Variants in DYNC2H1 observed in about 807,000 individuals in gnomAD.
The protein encoded by DYNC2H1 is cytoplasmic dynein 2 heavy chain 1.
In DYNC2H1, 410 loss-of-function variants were observed where a neutral mutation model predicts 570.0. The observed-to-expected ratio is 0.72, with a 90% confidence interval of 0.66 to 0.78. The LOEUF (loss-of-function observed/expected upper bound fraction) is 0.78, where lower values mean the gene tolerates loss of function less well. Ranked by LOEUF, DYNC2H1 falls within the 30% of genes least tolerant of loss-of-function variation. The probability of loss-of-function intolerance (pLI) is 0.00; values close to 1 mark genes in which losing one functional copy is unlikely to be tolerated. For missense variants in DYNC2H1, 4,865 were observed against 5,046.4 expected, an observed-to-expected ratio of 0.96 and a Z score of 1.09; for synonymous variants, 1,688 against 1,677.6, an observed-to-expected ratio of 1.01 and a Z score of -0.15.
In DYNC2H1 at chr11:103,241,460, A is replaced by T; in HGVS notation, c.9820-2233A>T. The T allele has an allele frequency of 7.0e-7, 1 of 1,426,524 alleles. No individual in the cohort carries two copies. Among genetic ancestry groups the T allele is most frequent in the Non-Finnish European group, 9.7e-7 (1 of 1,026,908 alleles). 88.4% of individuals were successfully genotyped at this position (1,426,524 alleles called of 1,614,324 possible). A position where few individuals can be genotyped will look rare whatever the true frequency, so the allele number is the denominator to read the frequency against. On this transcript the variant is annotated intron_variant, in intron 63 of 88. Coordinates refer to ENST00000375735, the MANE Select transcript of DYNC2H1 (RefSeq NM_001377.3). This position sits in a 1 kb window ranked among gnomAD's most constrained non-coding sequence, Gnocchi z 5.1. Reference sequence around the variant, plus strand: ...CTTTTAAGTACCCTTTGAAAAACTTAAGCATGTTTTCTTTGCTAAAAACAT... The same window carrying T: ...CTTTTAAGTACCCTTTGAAAAACTTTAGCATGTTTTCTTTGCTAAAAACAT...
At chr11:103,232,164 T>A (rs184848962) in intron 60 of DYNC2H1, among the ~76,000 whole-genome samples, 6 of 152,158 alleles carry the variant, frequency 3.9e-5, no homozygotes, top group Non-Finnish European at 8.8e-5. Context: ...ATTTATTGAA[T>A]AATTAGCTTG....
intron 61 of DYNC2H1, 41 bp downstream of exon 61, chr11:103,234,201 C>G (rs1784259): frequency 1.3e-6 from 2 of 1,547,376 alleles, no homozygotes; most frequent in Non-Finnish European, 1.7e-6. Flanking sequence ...TACCTTTAAA[C>G]TGCAGGAAAT....
chr11:103,144,262 ATAGT>A (rs928376863), intron 18 of DYNC2H1, among the ~76,000 whole-genome samples: 33 of 152,338 alleles, frequency 2.2e-4, no homozygotes, highest in African/African-American at 4.8e-4. Flanking sequence ...ATTAGCAACA[ATAGT>A]TAGTAATCTC....
rs1333153657 is a variant in DYNC2H1, at chr11:103,170,898, A to C, written c.5164A>C (p.Lys1722Gln). The C allele has an allele frequency of 4.5e-6, 7 of 1,539,908 alleles. No individual in the cohort carries two copies. Among genetic ancestry groups the C allele is most frequent in the Non-Finnish European group, 5.3e-6 (6 of 1,136,428 alleles). The change falls in exon 34 of 89, where the codon AAG becomes CAG. Residue 1722 changes from lysine to glutamine, a missense_variant. This residue lies in a region of DYNC2H1 where 292 missense variants were observed against 300.2 expected (regional missense o/e 0.97). Transcript: ENST00000375735. This position sits in a 1 kb window ranked among gnomAD's most constrained non-coding sequence, Gnocchi z 4.8. Reference protein sequence around the residue: ...VFNCDEGIDVKSMGRIFVGLV... With the variant: ...VFNCDEGIDVQSMGRIFVGLV... ...TGTTGTTTTTAAGGGCATCGATGTGAAGTCAATGGGACGAATATTTGTTGG... is the reference window on the plus strand; with the variant it reads ...TGTTGTTTTTAAGGGCATCGATGTGCAGTCAATGGGACGAATATTTGTTGG...
chr11:103,354,046 G>A (rs1489146772), intron 82 of DYNC2H1, among the ~76,000 whole-genome samples: 2 of 151,402 alleles, frequency 1.3e-5, no homozygotes, highest in Non-Finnish European at 1.5e-5. Flanking sequence ...GCATGGTGGC[G>A]CATGACTGTA....
At chr11:103,321,821 T>C (rs313402) in intron 81 of DYNC2H1, among the ~76,000 whole-genome samples, 69,387 of 151,850 alleles carry the variant, frequency 0.46, 16,629 homozygotes, top group Admixed American at 0.57. Context: ...GATTTCAATT[T>C]TGATTTATTT....
chr11:103,175,979 T>C (rs1210618415), intron 36 of DYNC2H1, among the ~76,000 whole-genome samples: 1 of 152,122 alleles, frequency 6.6e-6, no homozygotes, highest in Non-Finnish European at 1.5e-5. Context: ...ATTTTTATTA[T>C]TAATTAAAGT....
chr11:103,347,211 A>G (rs536539300), intron 82 of DYNC2H1, among the ~76,000 whole-genome samples: 157 of 152,326 alleles, frequency 1.0e-3, no homozygotes, highest in African/African-American at 3.6e-3. Flanking sequence ...CAATAGGTTA[A>G]TGGCAGGCAA....
At chr11:103,136,533 T>C (rs1271790344) in intron 17 of DYNC2H1, among the ~76,000 whole-genome samples, 4 of 152,180 alleles carry the variant, frequency 2.6e-5, no homozygotes, top group Non-Finnish European at 5.9e-5. Context: ...ATTTCATCCA[T>C]GTCCCTACAA....
chr11:103,229,041 C>T lies in DYNC2H1; in HGVS notation c.9354-2219C>T, dbSNP rs138202706. On this transcript the variant is annotated intron_variant, in intron 59 of 88. Transcript: ENST00000375735. ...GAAAGCCAGCAGGCACAGGCCTCAC[C>T]GGCCTCCTATGTAGTCTGCAGTCCT... 4.6e-3 allele frequency among the ~76,000 whole-genome samples: 700 copies of T among 152,224 alleles called. 6 individuals carry two copies. The highest frequency in any genetic ancestry group is 0.017 in the Middle Eastern group (5 of 294).
At position 103,465,781 on chromosome 11, in the gene DYNC2H1, T is replaced by C. The variant is rs1945178398; in HGVS notation, c.12649-2808T>C. On this transcript the variant is annotated intron_variant, in intron 87 of 88. Transcript: ENST00000375735. This position sits in a 1 kb window ranked among gnomAD's most constrained non-coding sequence, Gnocchi z 4.9. Reference sequence around the variant, plus strand: ...TCATACTGTAGTAGACTAGGAGAGCTTCCTTATATGGTGGTTTCAGTGCAG... The same window carrying C: ...TCATACTGTAGTAGACTAGGAGAGCCTCCTTATATGGTGGTTTCAGTGCAG... Among the ~76,000 whole-genome samples the C allele has an allele frequency of 6.6e-6, 1 of 152,142 alleles. No individual in the cohort carries two copies. The highest frequency in any genetic ancestry group is 2.1e-4 in the South Asian group (1 of 4,832).
At chr11:103,337,911 G>T (rs533761221) in intron 82 of DYNC2H1, among the ~76,000 whole-genome samples, 1 of 152,018 alleles carries the variant, frequency 6.6e-6, no homozygotes, top group Admixed American at 6.5e-5. Flanking sequence ...TTTTTGCTTT[G>T]GTTTCTTGTG....
At chr11:103,345,452 C>T (rs1267616183) in intron 82 of DYNC2H1, among the ~76,000 whole-genome samples, 3 of 152,230 alleles carry the variant, frequency 2.0e-5, no homozygotes, top group African/African-American at 7.2e-5. Flanking sequence ...TATGTAATAT[C>T]TGCATCCTTT....
intron 84 of DYNC2H1, among the ~76,000 whole-genome samples, chr11:103,425,076 T>C (rs501709): frequency 0.66 from 100,622 of 151,896 alleles, 34,895 homozygotes; most frequent in African/African-American, 0.88. Context: ...GCTAGGAGTA[T>C]AGGCACATGC....
chr11:103,335,292 C>A (rs1939057812), intron 82 of DYNC2H1, among the ~76,000 whole-genome samples: 1 of 152,078 alleles, frequency 6.6e-6, no homozygotes, highest in African/African-American at 2.4e-5. Flanking sequence ...ATATTTCTAA[C>A]CTCTTTAATG....
intron 82 of DYNC2H1, among the ~76,000 whole-genome samples, chr11:103,352,204 T>C (rs1007708122): frequency 6.6e-6 from 1 of 152,050 alleles, no homozygotes; most frequent in Non-Finnish European, 1.5e-5. Context: ...GTGAACCAAC[T>C]TTTGGCTTTT....
chr11:103,187,308 T>C, intron 42 of DYNC2H1, 32 bp from the exon 43 acceptor site: 1 of 1,608,360 alleles, frequency 6.2e-7, no homozygotes, highest in South Asian at 1.1e-5. Flanking sequence ...GTTGCATTTT[T>C]ATCAAAGTCA....
intron 85 of DYNC2H1, among the ~76,000 whole-genome samples, chr11:103,450,837 G>A (rs1454816685): frequency 6.6e-6 from 1 of 152,112 alleles, no homozygotes; most frequent in Admixed American, 6.5e-5. Context: ...TTCATTAATA[G>A]GCTATAGGCT....
intron 75 of DYNC2H1, among the ~76,000 whole-genome samples, chr11:103,288,701 A>G (rs1269915515): frequency 6.8e-6 from 1 of 147,184 alleles, no homozygotes; most frequent in African/African-American, 2.5e-5. Flanking sequence ...AAAAAAAAAA[A>G]AAAAAAAAAG....
Sources: allele counts gnomAD v4.1 joint callset (sites outside exome capture counted in the v4.1 genomes callset), GRCh38; gene constraint gnomAD v4.1.1; regional missense constraint gnomAD v4.1.1; non-coding constraint Gnocchi (gnomAD v3.1); transcripts MANE v1.5; gene names NCBI Gene and HGNC (gene_info 2026-07-23, HGNC 2026-07-21).